Variants in PLD1 observed in about 807,000 individuals in gnomAD.
PLD1 encodes phospholipase D1, also known as choline phosphatase 1.
A neutral mutation model predicts 137.1 loss-of-function variants in PLD1; 112 were observed. The ratio of observed to expected loss-of-function variants is 0.82; its 90% CI spans 0.70 to 0.96. The LOEUF (loss-of-function observed/expected upper bound fraction) is 0.96, where lower values mean the gene tolerates loss of function less well. PLD1 is among the 40% of genes least tolerant of loss of function. The pLI is 0.00. For synonymous variants in PLD1, 431 were observed against 454.7 expected (o/e 0.95, Z 0.66); for missense variants, 1,321 against 1,342.0 (o/e 0.98, Z 0.24).
At chr3:171,752,412 T>C (rs1720729448) in intron 1 of PLD1, among the ~76,000 whole-genome samples, 1 of 152,232 alleles carries the variant, frequency 6.6e-6, no homozygotes, top group East Asian at 1.9e-4. Context: ...TCTGACATTT[T>C]TTCTGGCTAA....
chr3:171,693,381 G>T (rs1715388915), intron 12 of PLD1, among the ~76,000 whole-genome samples: 1 of 152,006 alleles, frequency 6.6e-6, no homozygotes, highest in Non-Finnish European at 1.5e-5. Context: ...AAAAACACTG[G>T]TATTTTCCAT....
chr3:171,779,179 G>C (rs1450786851), intron 1 of PLD1, among the ~76,000 whole-genome samples: 1 of 152,172 alleles, frequency 6.6e-6, no homozygotes, highest in Non-Finnish European at 1.5e-5. Flanking sequence ...CAGCCTGGGG[G>C]ACAGGGCAAG....
chr3:171,791,442 C>T (rs1338561707), intron 1 of PLD1, among the ~76,000 whole-genome samples: 1 of 152,166 alleles, frequency 6.6e-6, no homozygotes, highest in East Asian at 1.9e-4. Context: ...GAGTGACACA[C>T]ATTTCTGGCA....
chr3:171,715,146 A>G (rs1717573816), intron 8 of PLD1, among the ~76,000 whole-genome samples: 1 of 152,216 alleles, frequency 6.6e-6, no homozygotes, highest in East Asian at 1.9e-4. Flanking sequence ...ACACTCCTCA[A>G]TACGAATACC....
At chr3:171,756,564 T>C (rs1463783267) in intron 1 of PLD1, among the ~76,000 whole-genome samples, 1 of 152,024 alleles carries the variant, frequency 6.6e-6, no homozygotes, top group Non-Finnish European at 1.5e-5. Context: ...GAAGAAAGGA[T>C]GGAAGGGGTA....
At chr3:171,635,961 ACTTCTTTTTTTTT>A (rs1560166305) in intron 23 of PLD1, among the ~76,000 whole-genome samples, 1 of 66,158 alleles carries the variant, frequency 1.5e-5, no homozygotes, top group African/African-American at 5.0e-5. Context: ...TAGGGGTTCA[ACTTCTTTTTTTTT>A]TTTTTTTTTT....
At chr3:171,697,237 C>CTTT (rs34340739) in intron 12 of PLD1, among the ~76,000 whole-genome samples, 1,308 of 96,920 alleles carry the variant, frequency 0.013, 76 homozygotes, top group African/African-American at 0.037. Context: ...TTCCGGACAC[C>CTTT]TTTTTTTTTT....
intron 21 of PLD1, among the ~76,000 whole-genome samples, chr3:171,649,083 T>C (rs1269869401): frequency 1.3e-5 from 2 of 152,244 alleles, no homozygotes; most frequent in African/African-American, 2.4e-5. Context: ...TTTGTGATGA[T>C]GTTTGTAAGA....
At chr3:171,799,677 A>G (rs534562113) in intron 1 of PLD1, among the ~76,000 whole-genome samples, 4 of 152,318 alleles carry the variant, frequency 2.6e-5, no homozygotes, top group African/African-American at 9.6e-5. Flanking sequence ...AATGGAAAAC[A>G]TTACACACAC....
chr3:171,747,358 C>G (rs527744380), intron 1 of PLD1, among the ~76,000 whole-genome samples: 1 of 152,116 alleles, frequency 6.6e-6, no homozygotes, highest in South Asian at 2.1e-4. Context: ...ACAAAACAGT[C>G]GATCTGGATG....
At chr3:171,681,506 T>C (rs1436036411) in intron 16 of PLD1, among the ~76,000 whole-genome samples, 2 of 152,232 alleles carry the variant, frequency 1.3e-5, no homozygotes, top group East Asian at 3.8e-4. Context: ...ATGCCTGTTT[T>C]TCTACCTTTT....
chr3:171,699,982 C>A (rs1251229064), intron 11 of PLD1, among the ~76,000 whole-genome samples, 156 bp from the exon 12 acceptor site: 1 of 152,140 alleles, frequency 6.6e-6, no homozygotes, highest in Admixed American at 6.5e-5. Flanking sequence ...CTAGGAACAA[C>A]TTCGTATGGG....
At chr3:171,776,924 C>A (rs1722610027) in intron 1 of PLD1, among the ~76,000 whole-genome samples, 1 of 152,060 alleles carries the variant, frequency 6.6e-6, no homozygotes, top group Non-Finnish European at 1.5e-5. Context: ...CAAATTTTAT[C>A]TCAAGGTTAA....
chr3:171,721,374 GT>G (rs1560249858), intron 8 of PLD1: 1 of 152,320 alleles, frequency 6.6e-6, no homozygotes, highest in Admixed American at 6.5e-5. Flanking sequence ...GTGGGCAGCT[GT>G]GCTGTAAGCC....
intron 9 of PLD1, among the ~76,000 whole-genome samples, chr3:171,710,869 G>GTTTTTTTTTTTTTT (rs1281179100): frequency 1.2e-4 from 12 of 98,676 alleles, no homozygotes; most frequent in African/African-American, 6.6e-4. Context: ...TAGGAAAACT[G>GTTTTTTTTTTTTTT]TTCTTTTTTT....
rs117407518 is a variant in PLD1 at position 171,785,021 on chromosome 3, G to A, written c.-32+25378C>T. On this transcript the variant is annotated intron_variant, in intron 1 of 26. Transcript: ENST00000351298. ...TGTTAGGTGCACCTATTTTAAGCTCGGCATTCTGTCTCTGAAGTACAGACA... is the reference window on the plus strand; with the variant it reads ...TGTTAGGTGCACCTATTTTAAGCTCAGCATTCTGTCTCTGAAGTACAGACA... Among the ~76,000 whole-genome samples the A allele has an allele frequency of 6.7e-3, 1,013 of 152,220 alleles. 26 individuals are homozygous for A. Among genetic ancestry groups the A allele is most frequent in the East Asian group, 0.048 (247 of 5,184 alleles).
chr3:171,647,200 T>C (rs192315054), intron 21 of PLD1, among the ~76,000 whole-genome samples: 6 of 152,346 alleles, frequency 3.9e-5, no homozygotes, highest in Admixed American at 2.0e-4. Context: ...GCACATGCTA[T>C]GCACTCGGTA....
At position 171,737,963 on chromosome 3, in the gene PLD1, G is replaced by C. The variant is rs145098542; in HGVS notation, c.89C>G (p.Thr30Arg). ...DMSNIIENLD[T>R]RELHFEGEEV... The stretch of plus-strand genomic sequence containing the variant: ...CTCTCCCTCAAAGTGGAGTTCCCGC[G>C]TGTCCAGATTTTCTATGATATTACT... Residue 30 changes from threonine to arginine, a missense_variant, in exon 2 of 27, where the codon ACG becomes AGG. Transcript: ENST00000351298. 4.3e-6 allele frequency: 7 copies of C among 1,613,884 alleles called. No individual in the cohort carries two copies. Among genetic ancestry groups the C allele is most frequent in the Non-Finnish European group, 5.9e-6 (7 of 1,179,856 alleles).
intron 1 of PLD1, among the ~76,000 whole-genome samples, chr3:171,772,636 A>G (rs1260854697): frequency 6.6e-6 from 1 of 152,180 alleles, no homozygotes; most frequent in Non-Finnish European, 1.5e-5. Context: ...AAAAGGAGCT[A>G]GTACCCCACC....
Sources: gnomAD v4.1 joint callset for allele counts (sites outside exome capture counted in the v4.1 genomes callset) on GRCh38, gnomAD v4.1.1 for gene constraint, MANE v1.5 for transcripts, NCBI Gene and HGNC (gene_info 2026-07-23, HGNC 2026-07-21) for gene names.